DTNA: variants seen among roughly 807,000 people sequenced by gnomAD.
DTNA encodes the protein dystrophin-related protein 3.
In DTNA, 43 loss-of-function variants were observed where a neutral mutation model predicts 100.7. That is an observed-to-expected ratio of 0.43 (90% CI 0.33 to 0.55). DTNA has a LOEUF of 0.55. DTNA is among the 20% of genes least tolerant of loss of function. The probability of loss-of-function intolerance (pLI) is 0.04; values close to 1 mark genes in which losing one functional copy is unlikely to be tolerated. For missense variants in DTNA, 798 were observed against 953.9 expected (o/e 0.84, Z 2.15); for synonymous variants, 349 against 347.9 (o/e 1.00, Z -0.04).
chr18:34,667,873 G>A (rs189515220), intron 1 of DTNA, among the ~76,000 whole-genome samples: 1 of 152,156 alleles, frequency 6.6e-6, no homozygotes, highest in Non-Finnish European at 1.5e-5. Context: ...AGGGATATTG[G>A]TCTAAAATTC....
intron 1 of DTNA, among the ~76,000 whole-genome samples, chr18:34,603,454 A>G (rs1327416482): frequency 1.3e-5 from 2 of 152,036 alleles, no homozygotes; most frequent in Non-Finnish European, 1.5e-5. Flanking sequence ...AAAATTTACC[A>G]TCTTTACCAT....
intron 1 of DTNA, among the ~76,000 whole-genome samples, chr18:34,548,394 A>C (rs1313235334): frequency 6.6e-6 from 1 of 152,110 alleles, no homozygotes; most frequent in Non-Finnish European, 1.5e-5. Flanking sequence ...TGACAGCTCT[A>C]TCTCTTTTAG....
intron 1 of DTNA, among the ~76,000 whole-genome samples, chr18:34,621,695 T>G (rs1358877094): frequency 6.6e-6 from 1 of 152,132 alleles, no homozygotes; most frequent in Non-Finnish European, 1.5e-5. Flanking sequence ...GAGATGTTAG[T>G]CAAAGGATAC....
intron 1 of DTNA, among the ~76,000 whole-genome samples, chr18:34,509,457 A>AT (rs1296882471): frequency 6.6e-6 from 1 of 151,928 alleles, no homozygotes; most frequent in Non-Finnish European, 1.5e-5. Flanking sequence ...GTGTCAGGTG[A>AT]TTTTTTTTCC....
intron 1 of DTNA, among the ~76,000 whole-genome samples, chr18:34,517,575 C>T (rs1347403889): frequency 6.6e-6 from 1 of 151,706 alleles, no homozygotes; most frequent in African/African-American, 2.4e-5. Context: ...TAGTGCTGCT[C>T]TTTTATATCC....
At chr18:34,749,711 G>A (rs2092120321) in intron 1 of DTNA, among the ~76,000 whole-genome samples, 1 of 151,456 alleles carries the variant, frequency 6.6e-6, no homozygotes, top group African/African-American at 2.4e-5. Flanking sequence ...AGTAGAAGAT[G>A]ATATTCAAAG....
chr18:34,878,170 T>C (rs2096837438), intron 19 of DTNA, among the ~76,000 whole-genome samples: 1 of 151,962 alleles, frequency 6.6e-6, no homozygotes, highest in South Asian at 2.1e-4. Flanking sequence ...AGAGACAGAG[T>C]CTTTGCTATG....
intron 1 of DTNA, among the ~76,000 whole-genome samples, chr18:34,566,922 T>C (rs2047138408): frequency 6.6e-6 from 1 of 152,208 alleles, no homozygotes; most frequent in Non-Finnish European, 1.5e-5. Context: ...TGCAATGACA[T>C]CTGTTGTTAA....
At chr18:34,658,919 C>T (rs1164171361) in intron 1 of DTNA, among the ~76,000 whole-genome samples, 6 of 152,212 alleles carry the variant, frequency 3.9e-5, no homozygotes, top group Admixed American at 2.6e-4. Flanking sequence ...ACTGTAACCA[C>T]GGCTGAGGCC....
intron 1 of DTNA, among the ~76,000 whole-genome samples, chr18:34,551,943 C>T (rs1173071856): frequency 6.6e-6 from 1 of 151,980 alleles, no homozygotes. Context: ...CTTATATTTC[C>T]TTGAATAAAC....
chr18:34,511,716 A>G (rs1281778878), intron 1 of DTNA, among the ~76,000 whole-genome samples: 2 of 152,112 alleles, frequency 1.3e-5, no homozygotes, highest in Non-Finnish European at 2.9e-5. Flanking sequence ...ACTGTGATTA[A>G]GTGAAAGATA....
chr18:34,514,846 G>A (rs867029324), intron 1 of DTNA, among the ~76,000 whole-genome samples: 33 of 151,870 alleles, frequency 2.2e-4, no homozygotes, highest in Admixed American at 1.2e-3. Flanking sequence ...CCTCCCAAAG[G>A]CCTCACTCCT....
At chr18:34,817,086 T>A (rs1790524) in intron 7 of DTNA, among the ~76,000 whole-genome samples, 40,046 of 152,012 alleles carry the variant, frequency 0.26, 5,501 homozygotes, top group African/African-American at 0.33. Context: ...CTATAATTTC[T>A]TTCGTTCTCT....
chr18:34,640,398 G>A (rs1353658676), intron 1 of DTNA, among the ~76,000 whole-genome samples: 2 of 152,118 alleles, frequency 1.3e-5, no homozygotes, highest in South Asian at 2.1e-4. Context: ...ACTCTGTATT[G>A]ATGCTCCAGG....
chr18:34,840,037 A>T (rs1389210324), intron 13 of DTNA, among the ~76,000 whole-genome samples: 1 of 152,110 alleles, frequency 6.6e-6, no homozygotes, highest in Non-Finnish European at 1.5e-5. Context: ...ACTGCTTCTT[A>T]GATCTATTTT....
intron 1 of DTNA, among the ~76,000 whole-genome samples, chr18:34,598,025 T>A (rs1164716383): frequency 6.6e-6 from 1 of 152,184 alleles, no homozygotes; most frequent in East Asian, 1.9e-4. Flanking sequence ...CAGAAGAAGT[T>A]TGTTTCTGAG....
At chr18:34,517,408 G>C (rs1253762892) in intron 1 of DTNA, among the ~76,000 whole-genome samples, 1 of 151,426 alleles carries the variant, frequency 6.6e-6, no homozygotes, top group Non-Finnish European at 1.5e-5. Context: ...TGAGAAAATT[G>C]ACATGGGCAC....
chr18:34,807,465 A>G (rs1299052900), intron 5 of DTNA, among the ~76,000 whole-genome samples: 1 of 152,176 alleles, frequency 6.6e-6, no homozygotes, highest in Non-Finnish European at 1.5e-5. Context: ...CACAAGGCTC[A>G]CCTGCTGCCT....
At chr18:34,739,516 C>T (rs1264920355) in intron 1 of DTNA, among the ~76,000 whole-genome samples, 2 of 152,196 alleles carry the variant, frequency 1.3e-5, no homozygotes, top group Non-Finnish European at 2.9e-5. Flanking sequence ...TGATTTGCTT[C>T]CTTGAAAGGA....
Sources: allele counts gnomAD v4.1 joint callset (sites outside exome capture counted in the v4.1 genomes callset), GRCh38; gene constraint gnomAD v4.1.1; transcripts MANE v1.5; gene names NCBI Gene and HGNC (gene_info 2026-07-23, HGNC 2026-07-21).